CACNB4: variants seen among roughly 807,000 people sequenced by gnomAD.
CACNB4 encodes voltage-dependent L-type calcium channel subunit beta-4.
Under a neutral mutation model 71.2 loss-of-function variants are expected in CACNB4, and 32 were observed. The ratio of observed to expected loss-of-function variants is 0.45; its 90% CI spans 0.34 to 0.60. The LOEUF (loss-of-function observed/expected upper bound fraction) is 0.60. CACNB4 is among the 20% of genes least tolerant of loss of function. CACNB4 has a pLI of 0.01. For missense variants in CACNB4, 464 were observed against 647.9 expected (o/e 0.72, Z 3.08); for synonymous variants, 231 against 236.9 (o/e 0.97, Z 0.23).
Position 151,909,205 on chromosome 2 carries a change from C to T in CACNB4, c.148-25835G>A, listed in dbSNP as rs953849470. On this transcript the variant is annotated intron_variant, in intron 2 of 13. Transcript: ENST00000539935. The stretch of plus-strand genomic sequence containing the variant: ...AGCACTTTGGGAGGCCAAGGGTAGG[C>T]GGATCACCTGAGGTCAGGAGTTCAA... Among the ~76,000 whole-genome samples the T allele has an allele frequency of 1.0e-4, 15 of 150,492 alleles. No homozygotes were observed. The East Asian group carries it at 2.3e-3, about 23-fold the overall frequency.
chr2:151,865,524 A>C (rs1457613150), intron 9 of CACNB4, among the ~76,000 whole-genome samples: 2 of 152,190 alleles, frequency 1.3e-5, no homozygotes, highest in African/African-American at 4.8e-5. Flanking sequence ...TGATTGGCAT[A>C]GGTCAACAAA....
At position 152,088,140 on chromosome 2, in the gene CACNB4, A is replaced by AACACACACACAC. The variant is rs55688548; in HGVS notation, c.147+10178_147+10189dup. On this transcript the variant is annotated intron_variant, in intron 2 of 13. Coordinates refer to ENST00000539935, the MANE Select transcript of CACNB4 (RefSeq NM_000726.5). ...GAAAAAAAGAATGCCTTCCCCACTTAACACACACACACACACACACACACA... is the reference window on the plus strand; with the variant it reads ...GAAAAAAAGAATGCCTTCCCCACTTAACACACACACACACACACACACACACACACACACACA... 6.3e-3 allele frequency among the ~76,000 whole-genome samples: 868 copies of AACACACACACAC among 136,988 alleles called. 20 individuals are homozygous for AACACACACACAC. The highest frequency in any genetic ancestry group is 0.015 in the African/African-American group (523 of 34,662). The allele number at this position is 136,988 out of a possible 152,430, so 89.9% of individuals were successfully genotyped here. A position where few individuals can be genotyped will look rare whatever the true frequency, so the allele number is the denominator to read the frequency against.
At chr2:152,033,315 C>T (rs1279624301) in intron 2 of CACNB4, among the ~76,000 whole-genome samples, 1 of 152,116 alleles carries the variant, frequency 6.6e-6, no homozygotes, top group African/African-American at 2.4e-5. Flanking sequence ...TGTAGACGGG[C>T]TGCCACCACC....
intron 12 of CACNB4, among the ~76,000 whole-genome samples, chr2:151,847,860 G>A (rs370578200): frequency 1.8e-3 from 279 of 152,246 alleles, no homozygotes; most frequent in South Asian, 6.4e-3. Context: ...CACTCCAACC[G>A]GGGTGACAAT....
At chr2:151,928,040 C>T (rs993003530) in intron 2 of CACNB4, among the ~76,000 whole-genome samples, 1 of 152,164 alleles carries the variant, frequency 6.6e-6, no homozygotes, top group African/African-American at 2.4e-5. Flanking sequence ...GCAGCAGAAC[C>T]AGCAGCAGAC....
At chr2:151,995,828 A>C (rs1412524831) in intron 2 of CACNB4, among the ~76,000 whole-genome samples, 1 of 152,232 alleles carries the variant, frequency 6.6e-6, no homozygotes, top group African/African-American at 2.4e-5. Flanking sequence ...AAAGCTATCA[A>C]CTTCTCCTGA....
intron 2 of CACNB4, among the ~76,000 whole-genome samples, chr2:151,952,760 A>G (rs947953790): frequency 6.6e-6 from 1 of 152,316 alleles, no homozygotes; most frequent in Non-Finnish European, 1.5e-5. Context: ...AAAAAATGTC[A>G]GCTGAACTAA....
At chr2:151,998,315 CAAAAAA>C (rs70974815) in intron 2 of CACNB4, among the ~76,000 whole-genome samples, 4 of 110,720 alleles carry the variant, frequency 3.6e-5, no homozygotes, top group African/African-American at 1.2e-4. Flanking sequence ...ACTCCATCTC[CAAAAAA>C]AAAAAAAAAA....
chr2:152,084,913 G>A (rs367796778), intron 2 of CACNB4, among the ~76,000 whole-genome samples: 8 of 152,038 alleles, frequency 5.3e-5, no homozygotes, highest in South Asian at 4.2e-4. Flanking sequence ...GCGTGATTAC[G>A]GGCATAATGT....
intron 2 of CACNB4, among the ~76,000 whole-genome samples, chr2:151,980,070 C>T (rs1038600947): frequency 6.6e-6 from 1 of 152,102 alleles, no homozygotes; most frequent in African/African-American, 2.4e-5. Flanking sequence ...ATTAGTAAAA[C>T]TTTATTTTCT....
At chr2:152,065,808 G>A (rs1686285929) in intron 2 of CACNB4, among the ~76,000 whole-genome samples, 1 of 152,066 alleles carries the variant, frequency 6.6e-6, no homozygotes, top group Non-Finnish European at 1.5e-5. Context: ...GAATGCACTG[G>A]TGCAATCACT....
intron 2 of CACNB4, among the ~76,000 whole-genome samples, chr2:152,066,203 C>A (rs1022034529): frequency 6.6e-6 from 1 of 152,162 alleles, no homozygotes; most frequent in Non-Finnish European, 1.5e-5. Flanking sequence ...GCCTCCCTCT[C>A]CCCCTTCCAC....
At chr2:152,065,627 C>G (rs1325818458) in intron 2 of CACNB4, among the ~76,000 whole-genome samples, 2 of 152,328 alleles carry the variant, frequency 1.3e-5, no homozygotes, top group African/African-American at 4.8e-5. Context: ...CTACATTCTA[C>G]TTGGAAAGTA....
intron 2 of CACNB4, among the ~76,000 whole-genome samples, chr2:151,901,236 C>T (rs1453743338): frequency 6.6e-6 from 1 of 151,908 alleles, no homozygotes; most frequent in Non-Finnish European, 1.5e-5. Context: ...CCACCCACCT[C>T]AGCCTTGCAG....
At chr2:152,051,600 TG>T (rs911054789) in intron 2 of CACNB4, among the ~76,000 whole-genome samples, 1 of 152,078 alleles carries the variant, frequency 6.6e-6, no homozygotes, top group Non-Finnish European at 1.5e-5. Context: ...CATGTGAGGA[TG>T]TGAAAGTACA....
intron 2 of CACNB4, among the ~76,000 whole-genome samples, chr2:151,910,134 T>C (rs1353286050): frequency 6.6e-6 from 1 of 152,220 alleles, no homozygotes; most frequent in Non-Finnish European, 1.5e-5. Context: ...TGATGATCAG[T>C]GATGTTGTGT....
At position 151,834,818 on chromosome 2, in the gene CACNB4, AAACT is replaced by A. The variant is rs1406043061; in HGVS notation, c.*4297_*4300del. On this transcript the variant is annotated 3_prime_UTR_variant, in exon 14 of 14. Coordinates refer to ENST00000539935, the MANE Select transcript of CACNB4 (RefSeq NM_000726.5). ...TATTGACAGTATTTAAAGGTATGAGAAACTAATAAAACAGATTTTATTACATAAT... is the reference window on the plus strand; with the variant it reads ...TATTGACAGTATTTAAAGGTATGAGAAATAAAACAGATTTTATTACATAAT... 6.6e-6 allele frequency: 1 copy of A among 151,954 alleles called. No homozygotes were observed. Among genetic ancestry groups the A allele is most frequent in the African/African-American group, 2.4e-5 (1 of 41,434 alleles). 9.4% of individuals were successfully genotyped at this position (151,954 alleles called of 1,614,324 possible).
chr2:151,912,311 T>C (rs1269573539), intron 2 of CACNB4, among the ~76,000 whole-genome samples: 8 of 151,600 alleles, frequency 5.3e-5, no homozygotes, highest in East Asian at 1.9e-4. Flanking sequence ...TTTAGTGCTA[T>C]ACATTTCTGT....
chr2:151,987,535 T>C (rs1391882154), intron 2 of CACNB4, among the ~76,000 whole-genome samples: 1 of 152,182 alleles, frequency 6.6e-6, no homozygotes, highest in African/African-American at 2.4e-5. Context: ...ACTTTGTTGA[T>C]GTTTTGAATT....
Sources: allele counts gnomAD v4.1 joint callset (sites outside exome capture counted in the v4.1 genomes callset), GRCh38; gene constraint gnomAD v4.1.1; transcripts MANE v1.5; gene names NCBI Gene and HGNC (gene_info 2026-07-23, HGNC 2026-07-21).